PDE1C: variants seen among roughly 807,000 people sequenced by gnomAD.
PDE1C encodes the protein phosphodiesterase 1C, also known as dual specificity calcium/calmodulin-dependent 3',5'-cyclic nucleotide phosphodiesterase 1C.
PDE1C carries 62 observed loss-of-function variants against 93.1 expected under a neutral mutation model. The ratio of observed to expected loss-of-function variants is 0.67; its 90% confidence interval spans 0.54 to 0.82. The LOEUF (loss-of-function observed/expected upper bound fraction) is 0.82. Ranked by LOEUF, PDE1C falls within the 40% of genes least tolerant of loss-of-function variation. PDE1C has a pLI of 0.00. For missense variants in PDE1C, 742 were observed against 884.6 expected (o/e 0.84, Z 2.04); for synonymous variants, 325 against 310.1 (o/e 1.05, Z -0.50).
intron 15 of PDE1C, among the ~76,000 whole-genome samples, chr7:31,811,782 CAGGGATGGGG>C (rs952236705): frequency 7.2e-5 from 11 of 152,150 alleles, no homozygotes; most frequent in African/African-American, 2.6e-4. Context: ...TGTTCTCAGC[CAGGGATGGGG>C]AGGCTGTGGG....
chr7:31,765,801 C>T (rs1583981029), intron 17 of PDE1C, among the ~76,000 whole-genome samples: 1 of 152,172 alleles, frequency 6.6e-6, no homozygotes. Flanking sequence ...GTACATGGAG[C>T]TTGATCTCAC....
intron 17 of PDE1C, among the ~76,000 whole-genome samples, chr7:31,773,447 T>G (rs1481509299): frequency 5.3e-5 from 8 of 152,178 alleles, no homozygotes; most frequent in Admixed American, 5.2e-4. Flanking sequence ...TCCCACCTGA[T>G]CTAGCAAGGC....
rs533568132 is a variant in PDE1C, at chr7:32,324,791, A to G, written c.310+103031T>C. On this transcript the variant is annotated intron_variant, in intron 1 of 1. Coordinates refer to the PDE1C transcript ENST00000672256. ...TAGCAAGACCTCATCTATATGAAAAATTTAAAAATTAGCTGGGTGCAGTGG... is the reference window on the plus strand; with the variant it reads ...TAGCAAGACCTCATCTATATGAAAAGTTTAAAAATTAGCTGGGTGCAGTGG... Among the ~76,000 whole-genome samples, 4 of 152,246 alleles carry G rather than the reference A, an allele frequency of 2.6e-5. No homozygotes were observed. The East Asian group carries it at 7.8e-4, about 30-fold the overall frequency.
chr7:32,140,015 CCTA>C (rs1289748492), intron 3 of PDE1C, among the ~76,000 whole-genome samples: 3 of 152,162 alleles, frequency 2.0e-5, no homozygotes, highest in South Asian at 2.1e-4. Context: ...CTGGAGTTAT[CCTA>C]CTACTATTCT....
chr7:31,620,443 G>C, the PDE1C span, among the ~76,000 whole-genome samples: 7 of 151,652 alleles, frequency 4.6e-5, no homozygotes, highest in African/African-American at 1.7e-4. Flanking sequence ...AGCAGCATTC[G>C]AGATTCACGA....
the PDE1C span, among the ~76,000 whole-genome samples, chr7:31,632,315 G>A: frequency 1.2e-4 from 19 of 152,228 alleles, no homozygotes; most frequent in African/African-American, 4.6e-4. Context: ...AGGCGTGGTG[G>A]CACGTGCCTG....
intron 2 of PDE1C, among the ~76,000 whole-genome samples, chr7:31,966,310 T>C (rs576182884): frequency 1.3e-5 from 2 of 152,314 alleles, no homozygotes; most frequent in African/African-American, 4.8e-5. Flanking sequence ...GTTGCAATCC[T>C]AGTCTCAGAT....
intron 1 of PDE1C, among the ~76,000 whole-genome samples, chr7:32,329,551 C>T (rs1783471774): frequency 6.6e-6 from 1 of 152,202 alleles, no homozygotes; most frequent in African/African-American, 2.4e-5. Context: ...TATGGCAGCA[C>T]TTCCATTCAT....
chr7:32,382,089 A>G (rs564305202), intron 1 of PDE1C, among the ~76,000 whole-genome samples: 1 of 151,728 alleles, frequency 6.6e-6, no homozygotes, highest in Non-Finnish European at 1.5e-5. Context: ...ATTTTGCCCA[A>G]GATCTCACAT....
At chr7:31,847,178 A>T (rs949406537) in intron 9 of PDE1C, among the ~76,000 whole-genome samples, 1 of 152,162 alleles carries the variant, frequency 6.6e-6, no homozygotes, top group Non-Finnish European at 1.5e-5. Flanking sequence ...TAAGCATTTT[A>T]AAATGATTAT....
chr7:32,292,018 T>G (rs1812364178), intron 1 of PDE1C, among the ~76,000 whole-genome samples: 1 of 152,176 alleles, frequency 6.6e-6, no homozygotes. Context: ...CAATGTCTAC[T>G]TCAGTGTTAT....
intron 3 of PDE1C, among the ~76,000 whole-genome samples, chr7:32,076,951 A>G (rs1269972067): frequency 6.6e-6 from 1 of 151,364 alleles, no homozygotes; most frequent in East Asian, 1.9e-4. Context: ...AAAAAAAAAA[A>G]CAGGGCCGGG....
intron 7 of PDE1C, 41 bp downstream of exon 7, chr7:31,864,901 T>C (rs971277282): frequency 1.3e-6 from 2 of 1,598,110 alleles, no homozygotes; most frequent in Non-Finnish European, 1.7e-6. Flanking sequence ...AACTCATCCT[T>C]ACATCTTTTG....
intron 2 of PDE1C, among the ~76,000 whole-genome samples, chr7:31,883,214 C>G (rs1361320341): frequency 6.6e-6 from 1 of 152,170 alleles, no homozygotes; most frequent in African/African-American, 2.4e-5. Context: ...TAAATACATT[C>G]TCAGGTGTCA....
At chr7:32,279,433 A>T (rs1487446268) in intron 1 of PDE1C, among the ~76,000 whole-genome samples, 1 of 152,196 alleles carries the variant, frequency 6.6e-6, no homozygotes, top group Non-Finnish European at 1.5e-5. Flanking sequence ...ACAATAATTC[A>T]TTGTATATTT....
At chr7:32,262,978 C>T (rs1050190926) in intron 1 of PDE1C, among the ~76,000 whole-genome samples, 1 of 152,122 alleles carries the variant, frequency 6.6e-6, no homozygotes, top group Non-Finnish European at 1.5e-5. Flanking sequence ...GGTTTTATTA[C>T]CATTGAATTA....
chr7:31,671,069 C>G, the PDE1C span, among the ~76,000 whole-genome samples: 1 of 152,172 alleles, frequency 6.6e-6, no homozygotes, highest in Non-Finnish European at 1.5e-5. Context: ...ATAAAATCCC[C>G]CACATTTGCC....
At chr7:31,691,797 T>TAAAAAAAAAAAAAA in the PDE1C span, among the ~76,000 whole-genome samples, 21 of 86,524 alleles carry the variant, frequency 2.4e-4, no homozygotes, top group Non-Finnish European at 4.0e-4. Context: ...ATGTAATGAT[T>TAAAAAAAAAAAAAA]AAAAAAAAAA....
chr7:31,782,719 G>C (rs572821646), intron 16 of PDE1C, among the ~76,000 whole-genome samples: 2 of 152,346 alleles, frequency 1.3e-5, no homozygotes, highest in South Asian at 2.1e-4. Flanking sequence ...CCTGACTCAT[G>C]ATGGCCCAAC....
Sources: allele counts gnomAD v4.1 joint callset (sites outside exome capture counted in the v4.1 genomes callset), GRCh38; gene constraint gnomAD v4.1.1; transcripts MANE v1.5; gene names NCBI Gene and HGNC (gene_info 2026-07-23, HGNC 2026-07-21).